Variants in MAPK14 observed in about 807,000 individuals in gnomAD.
The protein encoded by MAPK14 is mitogen-activated protein kinase 14.
A neutral mutation model predicts 49.6 loss-of-function variants in MAPK14; 16 were observed. That is an observed-to-expected ratio of 0.32 (90% CI 0.22 to 0.49). The LOEUF (loss-of-function observed/expected upper bound fraction) is 0.49. MAPK14 is among the 20% of genes least tolerant of loss of function. The pLI is 0.99. For synonymous variants in MAPK14, 142 were observed against 158.0 expected (o/e 0.90, Z 0.76); for missense variants, 200 against 441.2 (o/e 0.45, Z 4.90).
downstream of MAPK14, among the ~76,000 whole-genome samples, chr6:36,114,908 G>T (rs1430358491): frequency 6.6e-6 from 1 of 152,138 alleles, no homozygotes; most frequent in African/African-American, 2.4e-5. Context: ...GTGTGTTGTC[G>T]ACACTCAAGA....
At chr6:36,092,662 C>T (rs947157139) in intron 8 of MAPK14, 4 of 371,870 alleles carry the variant, frequency 1.1e-5, no homozygotes, top group East Asian at 1.5e-4. Context: ...TCAAACTAGT[C>T]TTTACAGCCC....
At chr6:36,092,171 G>A in intron 8 of MAPK14, 1 of 527,676 alleles carries the variant, frequency 1.9e-6, no homozygotes, top group South Asian at 1.4e-5. Context: ...CCTGGCTTTG[G>A]CTTGGGCCTT....
intron 8 of MAPK14, among the ~76,000 whole-genome samples, chr6:36,091,050 G>A (rs1162372513): frequency 1.3e-5 from 2 of 152,196 alleles, no homozygotes; most frequent in East Asian, 1.9e-4. Context: ...AAAGGTTAGT[G>A]CTCCACTTCA....
chr6:36,052,696 TAGTGCTGC>T lies in MAPK14; in HGVS notation c.117-2_122del, dbSNP rs1404197113. The T allele has an allele frequency of 1.2e-6, 2 of 1,601,994 alleles. No individual in the cohort carries two copies. Among genetic ancestry groups the T allele is most frequent in the Non-Finnish European group, 8.5e-7 (1 of 1,175,518 alleles). On this transcript the variant is annotated splice_acceptor_variant and coding_sequence_variant, in exon 2 of 12. Coordinates refer to ENST00000229794, the MANE Select transcript of MAPK14 (RefSeq NM_139012.3). LOFTEE classifies it high-confidence loss of function. ...GTGGGTTTTTTCCCTTTTTTCTCCT[TAGTGCTGC>T]TTTTGACACAAAAACGGGGTTACGT...
intron 3 of MAPK14, among the ~76,000 whole-genome samples, chr6:36,066,809 T>TAAATAAATTC (rs1764080682): frequency 6.6e-6 from 1 of 151,966 alleles, no homozygotes; most frequent in South Asian, 2.1e-4. Context: ...AGCTAATAAA[T>TAAATAAATTC]GTGATCTTTT....
intron 1 of MAPK14, among the ~76,000 whole-genome samples, chr6:36,043,388 T>C (rs1378017284): frequency 1.3e-4 from 20 of 152,188 alleles, no homozygotes; most frequent in Admixed American, 1.3e-3. Flanking sequence ...TTTTTTGAGG[T>C]TCCTAAATCA....
At chr6:36,100,821 A>T (rs1345799298) in intron 9 of MAPK14, among the ~76,000 whole-genome samples, 1 of 152,184 alleles carries the variant, frequency 6.6e-6, no homozygotes, top group Admixed American at 6.5e-5. Context: ...ATCAGAGATG[A>T]TTGGGGCACT....
chr6:36,070,006 T>C (rs906780610), intron 3 of MAPK14, among the ~76,000 whole-genome samples: 2 of 152,212 alleles, frequency 1.3e-5, no homozygotes, highest in African/African-American at 2.4e-5. Flanking sequence ...AGTAGTCTTA[T>C]ATGACCGAAA....
At chr6:36,050,185 C>G (rs1204262379) in intron 1 of MAPK14, among the ~76,000 whole-genome samples, 1 of 151,954 alleles carries the variant, frequency 6.6e-6, no homozygotes, top group Non-Finnish European at 1.5e-5. Flanking sequence ...TTGAGATTAC[C>G]CAAGGTTAGA....
chr6:36,074,019 G>C, intron 5 of MAPK14, 30 bp from the exon 6 acceptor site: 1 of 1,558,572 alleles, frequency 6.4e-7, no homozygotes, highest in Non-Finnish European at 8.8e-7. Context: ...TCATAAAGTT[G>C]ATCCTGTCTT....
intron 6 of MAPK14, 90 bp from the exon 7 acceptor site, chr6:36,075,758 C>G: frequency 1.3e-6 from 2 of 1,567,428 alleles, no homozygotes; most frequent in Non-Finnish European, 1.7e-6. Flanking sequence ...AATAAGGCAA[C>G]AGAGGTTTGT....
chr6:36,036,881 C>G (rs893273113), intron 1 of MAPK14, among the ~76,000 whole-genome samples: 1 of 152,110 alleles, frequency 6.6e-6, no homozygotes, highest in Non-Finnish European at 1.5e-5. Flanking sequence ...GCTGGGATTA[C>G]AGGTGTGCAC....
At chr6:36,118,388 T>C in the MAPK14 span, among the ~76,000 whole-genome samples, 4 of 152,216 alleles carry the variant, frequency 2.6e-5, no homozygotes, top group Non-Finnish European at 5.9e-5. Flanking sequence ...GTTGTTTTCA[T>C]GGGAAAAGGC....
chr6:36,076,232 G>C (rs1162233128), intron 7 of MAPK14, among the ~76,000 whole-genome samples: 1 of 151,848 alleles, frequency 6.6e-6, no homozygotes, highest in Non-Finnish European at 1.5e-5. Context: ...AAGACAATTA[G>C]TCCATAATTT....
rs1765899606 is a variant in MAPK14, at chr6:36,109,450, A to C, written c.*1003A>C. The C allele has an allele frequency of 6.6e-6, 1 of 152,662 alleles. No homozygotes were observed. The allele number at this position is 152,662 out of a possible 1,614,324, so 9.5% of individuals were successfully genotyped here. A position where few individuals can be genotyped will look rare whatever the true frequency, so the allele number is the denominator to read the frequency against. ...TCTTCAGGAGGCCCTGGTGTCAGGCAGGTTTGCCAGTGAAGACTTCTTGGG... is the reference window on the plus strand; with the variant it reads ...TCTTCAGGAGGCCCTGGTGTCAGGCCGGTTTGCCAGTGAAGACTTCTTGGG... On this transcript the variant is annotated 3_prime_UTR_variant, in exon 12 of 12. Coordinates refer to ENST00000229794, the MANE Select transcript of MAPK14 (RefSeq NM_139012.3).
intron 1 of MAPK14, among the ~76,000 whole-genome samples, chr6:36,034,899 T>TTC (rs1762680349): frequency 1.1e-5 from 1 of 87,776 alleles, no homozygotes; most frequent in South Asian, 3.3e-4. Context: ...CTTTCTTTCT[T>TTC]TTTTTTTTTT....
chr6:36,087,984 A>G (rs977869946), intron 8 of MAPK14, among the ~76,000 whole-genome samples: 18 of 152,290 alleles, frequency 1.2e-4, no homozygotes, highest in African/African-American at 4.3e-4. Context: ...CACATCTACA[A>G]CCATCTGATC....
At chr6:36,059,234 G>C (rs1763707314) in intron 2 of MAPK14, 55 bp from the exon 3 acceptor site, 1 of 1,099,442 alleles carries the variant, frequency 9.1e-7, no homozygotes, top group Non-Finnish European at 1.4e-6. Context: ...GACCTGATGG[G>C]TACTATACTG....
At chr6:36,091,649 A>G (rs1004679051) in intron 8 of MAPK14, among the ~76,000 whole-genome samples, 1 of 152,174 alleles carries the variant, frequency 6.6e-6, no homozygotes, top group Non-Finnish European at 1.5e-5. Context: ...TGGATTTGCC[A>G]GCTTTTGAAG....
Sources: allele counts gnomAD v4.1 joint callset (sites outside exome capture counted in the v4.1 genomes callset), GRCh38; gene constraint gnomAD v4.1.1; transcripts MANE v1.5; gene names NCBI Gene and HGNC (gene_info 2026-07-23, HGNC 2026-07-21).